Variants in SCARA5 observed in about 807,000 individuals in gnomAD.
SCARA5 encodes the protein scavenger receptor class A member 5.
In SCARA5, 45 loss-of-function variants were observed where a neutral mutation model predicts 46.3. That is an observed-to-expected ratio of 0.97 (90% CI 0.76 to 1.24). The LOEUF (loss-of-function observed/expected upper bound fraction) is 1.24, where lower values mean the gene tolerates loss of function less well. SCARA5 is among the 50% of genes most tolerant of loss of function. The probability of loss-of-function intolerance (pLI) is 0.00; values close to 1 mark genes in which losing one functional copy is unlikely to be tolerated. For missense variants in SCARA5, 680 were observed against 689.0 expected, an observed-to-expected ratio of 0.99 and a Z score of 0.15; for synonymous variants, 333 against 306.5, an observed-to-expected ratio of 1.09 and a Z score of -0.90.
At position 27,871,827 on chromosome 8, in the gene SCARA5, A is replaced by G. The variant is rs1585453983; in HGVS notation, c.*107T>C. ...CAGGTGTGAGGACTGAGAATGCTGG[A>G]CGGGGTGTGGTCGAGGCATGGTCAG... is the stretch of plus-strand genomic sequence containing the variant. On this transcript the variant is annotated 3_prime_UTR_variant, in exon 9 of 9. Transcript: ENST00000354914. 6.4e-7 allele frequency: 1 copy of G among 1,571,928 alleles called. No homozygotes were observed. The highest frequency in any genetic ancestry group is 1.2e-5 in the South Asian group (1 of 83,920).
rs370737106 is a variant in SCARA5 at position 27,990,112 on chromosome 8, A to C, written c.-16+2145T>G. 7.2e-5 allele frequency among the ~76,000 whole-genome samples: 11 copies of C among 152,216 alleles called. No individual in the cohort carries two copies. The East Asian group carries it at 1.7e-3, about 24-fold the overall frequency. On this transcript the variant is annotated intron_variant, in intron 1 of 8. Transcript: ENST00000354914. ...TGGTCAGCTCCTGGGACGGGGCTGG[A>C]ATGCACGGCTTGTTAGCCAGAATGT...
At chr8:27,935,476 C>T (rs1284763120) in intron 3 of SCARA5, among the ~76,000 whole-genome samples, 1 of 152,178 alleles carries the variant, frequency 6.6e-6, no homozygotes, top group African/African-American at 2.4e-5. Flanking sequence ...GGAGTGAGAA[C>T]ATCCAGCCTC....
At chr8:27,905,523 T>TGGCGGAGG (rs751627046) in intron 6 of SCARA5, among the ~76,000 whole-genome samples, 1 of 53,638 alleles carries the variant, frequency 1.9e-5, no homozygotes, top group Non-Finnish European at 5.1e-5. Context: ...ATCCAAGATT[T>TGGCGGAGG]GGGGGGGGGA....
At chr8:27,884,794 G>A (rs569616477) in intron 7 of SCARA5, among the ~76,000 whole-genome samples, 111 of 152,348 alleles carry the variant, frequency 7.3e-4, no homozygotes, top group African/African-American at 2.7e-3. Flanking sequence ...CTGCCCTCAT[G>A]GAGCTGACAT....
At chr8:27,904,723 G>C (rs758867779) in intron 7 of SCARA5, 55 bp downstream of exon 7, 4 of 1,487,578 alleles carry the variant, frequency 2.7e-6, no homozygotes, top group Admixed American at 1.7e-5. Flanking sequence ...CTGCTTGGGG[G>C]ACAGCTAGCC....
intron 3 of SCARA5, among the ~76,000 whole-genome samples, chr8:27,960,343 AT>A (rs1488162699): frequency 1.3e-5 from 2 of 151,954 alleles, no homozygotes; most frequent in Non-Finnish European, 2.9e-5. Flanking sequence ...TACCTGGCTC[AT>A]TTTTTAATTA....
At chr8:27,950,169 G>A (rs963709271) in intron 3 of SCARA5, among the ~76,000 whole-genome samples, 11 of 110,252 alleles carry the variant, frequency 1.0e-4, no homozygotes, top group African/African-American at 3.7e-4. Flanking sequence ...AAGGGGTCTA[G>A]CACATCCTCC....
intron 2 of SCARA5, among the ~76,000 whole-genome samples, chr8:27,969,702 C>A (rs1194167786): frequency 6.6e-6 from 1 of 152,094 alleles, no homozygotes; most frequent in African/African-American, 2.4e-5. Flanking sequence ...GTAACAAATG[C>A]ACCATTCTGG....
chr8:27,914,550 A>G (rs2685339), intron 4 of SCARA5, among the ~76,000 whole-genome samples: 83,386 of 152,176 alleles, frequency 0.55, 23,697 homozygotes, highest in Non-Finnish European at 0.63. Context: ...CCTTGCACAC[A>G]CCCAGCAAAC....
rs184474467 is a variant in SCARA5 at position 27,901,459 on chromosome 8, G to T, written c.1153+3319C>A. ...ATCCTACGGTGGGGCTTCCCAGGGCGCAGGGAATGACTAAGAAACCCTCAG... is the reference window on the plus strand; with the variant it reads ...ATCCTACGGTGGGGCTTCCCAGGGCTCAGGGAATGACTAAGAAACCCTCAG... On this transcript the variant is annotated intron_variant, in intron 7 of 8. Transcript: ENST00000354914. Among the ~76,000 whole-genome samples, 3 of 152,214 alleles carry T rather than the reference G, an allele frequency of 2.0e-5. No homozygotes were observed. In the South Asian group the frequency reaches 6.2e-4, roughly 32 times the overall value.
chr8:27,932,927 G>A (rs1279984952), intron 3 of SCARA5, among the ~76,000 whole-genome samples: 2 of 152,174 alleles, frequency 1.3e-5, no homozygotes, highest in African/African-American at 4.8e-5. Context: ...CACGGCGCTT[G>A]GCCGTCCCTT....
chr8:27,990,009 A>G (rs1808764859), intron 1 of SCARA5, among the ~76,000 whole-genome samples: 2 of 152,246 alleles, frequency 1.3e-5, no homozygotes, highest in South Asian at 2.1e-4. Flanking sequence ...CCCAGAGGCC[A>G]CACAGAGCCA....
chr8:27,876,367 G>A (rs1304463182), intron 8 of SCARA5, among the ~76,000 whole-genome samples: 3 of 152,168 alleles, frequency 2.0e-5, no homozygotes, highest in Non-Finnish European at 2.9e-5. Flanking sequence ...CTAAGGGGAG[G>A]ACAGCAAGAA....
In SCARA5 at chr8:27,888,469, C is replaced by A. The variant is rs563453425; in HGVS notation, c.1154-8703G>T. 2.6e-5 allele frequency among the ~76,000 whole-genome samples: 4 copies of A among 152,328 alleles called. No individual in the cohort carries two copies. The East Asian group carries it at 7.7e-4, about 29-fold the overall frequency. On this transcript the variant is annotated intron_variant, in intron 7 of 8. Coordinates refer to ENST00000354914, the MANE Select transcript of SCARA5 (RefSeq NM_173833.6). ...GATTTCCCACCTTTTTAGGCCAAAC[C>A]AATGTATAACATCCATGTCTTGATT...
intron 3 of SCARA5, among the ~76,000 whole-genome samples, chr8:27,959,275 C>A (rs1331039238): frequency 6.6e-6 from 1 of 152,040 alleles, no homozygotes; most frequent in Non-Finnish European, 1.5e-5. Flanking sequence ...AGAATTTAAA[C>A]TAATATCAAC....
chr8:27,984,668 T>TCACCCATCCATCCATGCATCCATC (rs1808676188), intron 2 of SCARA5, among the ~76,000 whole-genome samples: 2 of 150,520 alleles, frequency 1.3e-5, no homozygotes, highest in Admixed American at 1.3e-4. Context: ...ATCCATCCAT[T>TCACCCATCCATCCATGCATCCATC]CACCCATCCA....
At chr8:27,882,637 G>T (rs1462392477) in intron 7 of SCARA5, among the ~76,000 whole-genome samples, 1 of 152,212 alleles carries the variant, frequency 6.6e-6, no homozygotes, top group African/African-American at 2.4e-5. Context: ...GAGAGAGCCA[G>T]TTGGGAATTC....
chr8:27,902,563 G>A (rs567517670), intron 7 of SCARA5, among the ~76,000 whole-genome samples: 2 of 152,154 alleles, frequency 1.3e-5, no homozygotes, highest in Non-Finnish European at 2.9e-5. Context: ...CCCAACAAGA[G>A]CCCCTCTGGC....
chr8:27,959,220 G>A (rs907466557), intron 3 of SCARA5, among the ~76,000 whole-genome samples: 2 of 152,132 alleles, frequency 1.3e-5, no homozygotes, highest in Admixed American at 6.5e-5. Flanking sequence ...GTAACAGAGT[G>A]AGACTCTGTC....
Sources: allele counts gnomAD v4.1 joint callset (sites outside exome capture counted in the v4.1 genomes callset), GRCh38; gene constraint gnomAD v4.1.1; transcripts MANE v1.5; gene names NCBI Gene and HGNC (gene_info 2026-07-23, HGNC 2026-07-21).